GALNT13: variants seen among roughly 807,000 people sequenced by gnomAD.
GALNT13 encodes polypeptide N-acetylgalactosaminyltransferase 13.
Under a neutral mutation model 64.2 loss-of-function variants are expected in GALNT13, and 28 were observed. The ratio of observed to expected loss-of-function variants is 0.44; its 90% CI spans 0.32 to 0.60. The LOEUF (loss-of-function observed/expected upper bound fraction) is 0.60, where lower values mean the gene tolerates loss of function less well. Among genes scored for constraint, GALNT13 ranks in the 20% least tolerant of loss-of-function variants. The pLI is 0.05. For missense variants in GALNT13, 577 were observed against 669.8 expected, an observed-to-expected ratio of 0.86 and a Z score of 1.53; for synonymous variants, 214 against 224.6, an observed-to-expected ratio of 0.95 and a Z score of 0.42.
chr2:154,069,787 C>T (rs536464405), intron 3 of GALNT13, among the ~76,000 whole-genome samples: 5 of 152,084 alleles, frequency 3.3e-5, no homozygotes, highest in African/African-American at 9.6e-5. Flanking sequence ...ATAATGTTTA[C>T]ATGAAAATAG....
the GALNT13 span, among the ~76,000 whole-genome samples, chr2:153,741,301 A>G: frequency 1.3e-5 from 2 of 152,006 alleles, no homozygotes; most frequent in East Asian, 1.9e-4. Flanking sequence ...CATATCAACT[A>G]TCCATGTATT....
rs377161939 is a variant in GALNT13 at position 154,112,845 on chromosome 2, TA to T, written c.143-27490del. 2.4e-3 allele frequency among the ~76,000 whole-genome samples: 371 copies of T among 152,306 alleles called. 4 individuals are homozygous for T. Among genetic ancestry groups the T allele is most frequent in the African/African-American group, 8.1e-3 (337 of 41,568 alleles). On this transcript the variant is annotated intron_variant, in intron 3 of 12. Coordinates refer to ENST00000392825, the MANE Select transcript of GALNT13 (RefSeq NM_052917.4). ...TCAACTGATCTTAGGGAACTTCCCA[TA>T]AGGCCACTGGTGCAGGCTTGGGGAG...
the GALNT13 span, among the ~76,000 whole-genome samples, chr2:153,141,233 T>C: frequency 6.6e-6 from 1 of 151,984 alleles, no homozygotes; most frequent in East Asian, 1.9e-4. Flanking sequence ...TGAATAATAT[T>C]CCATAGTATG....
chr2:153,511,246 T>A, the GALNT13 span, among the ~76,000 whole-genome samples: 2 of 151,560 alleles, frequency 1.3e-5, no homozygotes, highest in Non-Finnish European at 2.9e-5. Context: ...AATTTCTAGA[T>A]GTCCTGGAAT....
chr2:153,943,120 C>CAGGT (rs1443806685), intron 2 of GALNT13, among the ~76,000 whole-genome samples: 1 of 151,860 alleles, frequency 6.6e-6, no homozygotes, highest in African/African-American at 2.4e-5. Context: ...GTTGGTTAAC[C>CAGGT]AGGTAGTTAA....
the GALNT13 span, among the ~76,000 whole-genome samples, chr2:153,539,695 A>T: frequency 6.6e-6 from 1 of 151,250 alleles, no homozygotes; most frequent in Non-Finnish European, 1.5e-5. Flanking sequence ...CAAAGATCAG[A>T]TAGTTGTAGA....
chr2:154,388,831 G>C (rs1049113534), intron 9 of GALNT13, among the ~76,000 whole-genome samples: 1 of 152,008 alleles, frequency 6.6e-6, no homozygotes, highest in East Asian at 1.9e-4. Context: ...AAAATTATTA[G>C]CTTAAACTGT....
chr2:153,369,158 TA>T, the GALNT13 span, among the ~76,000 whole-genome samples: 1 of 152,214 alleles, frequency 6.6e-6, no homozygotes, highest in South Asian at 2.1e-4. Context: ...AATGTGTTTG[TA>T]CCTAATAGCA....
At chr2:153,795,689 A>G in the GALNT13 span, among the ~76,000 whole-genome samples, 1 of 152,228 alleles carries the variant, frequency 6.6e-6, no homozygotes, top group African/African-American at 2.4e-5. Context: ...CCTTGAAGAC[A>G]GATATTCATG....
At chr2:153,786,398 A>G in the GALNT13 span, among the ~76,000 whole-genome samples, 2 of 151,998 alleles carry the variant, frequency 1.3e-5, no homozygotes, top group Middle Eastern at 6.3e-3. Context: ...ATGACTGTGG[A>G]CCAGTCACCC....
chr2:154,169,777 C>T (rs1685251682), intron 4 of GALNT13, among the ~76,000 whole-genome samples: 1 of 152,126 alleles, frequency 6.6e-6, no homozygotes, highest in Non-Finnish European at 1.5e-5. Context: ...ATCTAGGCAG[C>T]ACATCGTAGC....
At chr2:154,147,562 C>T (rs2105605588) in intron 4 of GALNT13, among the ~76,000 whole-genome samples, 1 of 151,678 alleles carries the variant, frequency 6.6e-6, no homozygotes, top group East Asian at 1.9e-4. Flanking sequence ...AGAGTGTAGA[C>T]AAGCAAGCCA....
At chr2:153,097,745 C>G in the GALNT13 span, among the ~76,000 whole-genome samples, 3 of 152,098 alleles carry the variant, frequency 2.0e-5, no homozygotes, top group Admixed American at 1.3e-4. Context: ...TATTTGTGCT[C>G]TCTATTGTCA....
intron 3 of GALNT13, among the ~76,000 whole-genome samples, chr2:154,133,244 A>G (rs1682728318): frequency 6.6e-6 from 1 of 152,102 alleles, no homozygotes; most frequent in Admixed American, 6.6e-5. Context: ...CCTTTGTAGT[A>G]GTTATACAAA....
At chr2:153,415,133 A>G in the GALNT13 span, among the ~76,000 whole-genome samples, 1 of 152,234 alleles carries the variant, frequency 6.6e-6, no homozygotes, top group African/African-American at 2.4e-5. Context: ...AAAGACTAAG[A>G]TCCAGAAGAC....
the GALNT13 span, among the ~76,000 whole-genome samples, chr2:153,510,109 A>G: frequency 7.9e-5 from 12 of 152,168 alleles, no homozygotes; most frequent in Non-Finnish European, 1.2e-4. Context: ...CAGGCAGAAA[A>G]TGTTCCAGCC....
the GALNT13 span, among the ~76,000 whole-genome samples, chr2:153,128,078 C>A: frequency 2.0e-5 from 3 of 152,110 alleles, no homozygotes; most frequent in African/African-American, 7.2e-5. Context: ...GGATTTGATT[C>A]CATGACCCTG....
the GALNT13 span, among the ~76,000 whole-genome samples, chr2:153,510,917 C>G: frequency 6.6e-6 from 1 of 151,746 alleles, no homozygotes; most frequent in Non-Finnish European, 1.5e-5. Flanking sequence ...GAGAGTGGGC[C>G]ACTCTGTGGT....
chr2:154,399,013 A>G (rs183928607), intron 10 of GALNT13, among the ~76,000 whole-genome samples: 194 of 152,358 alleles, frequency 1.3e-3, no homozygotes, highest in Middle Eastern at 3.4e-3. Context: ...TATTGAAGTT[A>G]GGATAAATTA....
Sources: gnomAD v4.1 joint callset for allele counts (sites outside exome capture counted in the v4.1 genomes callset) on GRCh38, gnomAD v4.1.1 for gene constraint, MANE v1.5 for transcripts, NCBI Gene and HGNC (gene_info 2026-07-23, HGNC 2026-07-21) for gene names.